Variants in TNFRSF8 observed in about 807,000 individuals in gnomAD.
TNFRSF8 encodes the protein TNF receptor superfamily member 8, also known as tumor necrosis factor receptor superfamily member 8.
TNFRSF8 carries 26 observed loss-of-function variants against 70.8 expected under a neutral mutation model. That is an observed-to-expected ratio of 0.37 (90% CI 0.27 to 0.51). The LOEUF (loss-of-function observed/expected upper bound fraction) is 0.51, where lower values mean the gene tolerates loss of function less well. Among genes scored for constraint, TNFRSF8 ranks in the 20% least tolerant of loss-of-function variants. The pLI, the probability that TNFRSF8 is intolerant of heterozygous loss-of-function variation, is 0.94. For synonymous variants in TNFRSF8, 356 were observed against 339.2 expected (o/e 1.05, Z -0.54); for missense variants, 720 against 807.9 (o/e 0.89, Z 1.32).
chr1:12,084,996 A>ACACAGTT (rs1452491066), intron 2 of TNFRSF8, among the ~76,000 whole-genome samples: 3 of 152,212 alleles, frequency 2.0e-5, no homozygotes, highest in Admixed American at 2.0e-4. Flanking sequence ...TGGAATGATC[A>ACACAGTT]GGGCTGGGGC....
At chr1:12,064,849 A>C (rs1021796754) in intron 1 of TNFRSF8, among the ~76,000 whole-genome samples, 1 of 152,044 alleles carries the variant, frequency 6.6e-6, no homozygotes, top group African/African-American at 2.4e-5. Flanking sequence ...CACCTGGGGG[A>C]AGGTAAGAGT....
At chr1:12,131,276 C>T (rs2101037555) in intron 12 of TNFRSF8, among the ~76,000 whole-genome samples, 1 of 152,156 alleles carries the variant, frequency 6.6e-6, no homozygotes, top group Admixed American at 6.5e-5. Flanking sequence ...AAGACAAAAC[C>T]CCATCTCTAC....
In TNFRSF8 at chr1:12,109,830, C is replaced by T. The variant is rs1641595706; in HGVS notation, c.512+174C>T. 6.6e-6 allele frequency among the ~76,000 whole-genome samples: 1 copy of T among 152,116 alleles called. No individual in the cohort carries two copies. Among genetic ancestry groups the T allele is most frequent in the African/African-American group, 2.4e-5 (1 of 41,420 alleles). On this transcript the variant is annotated intron_variant, in intron 5 of 14. Coordinates refer to ENST00000263932, the MANE Select transcript of TNFRSF8 (RefSeq NM_001243.5). This position sits in a 1 kb window ranked among gnomAD's most constrained non-coding sequence, Gnocchi z 4.4. The stretch of plus-strand genomic sequence containing the variant: ...CAAGCCCCTCAGATCATTTGAGGCC[C>T]TAGGGTGTGCCCAGCCCTGCCCTGA...
chr1:12,107,210 T>C (rs56027210), intron 4 of TNFRSF8, among the ~76,000 whole-genome samples: 12,028 of 152,126 alleles, frequency 0.079, 503 homozygotes, highest in African/African-American at 0.088. Context: ...GCCTGGCCAA[T>C]GTGGTGAAAC....
chr1:12,127,484 T>C (rs551062), intron 12 of TNFRSF8, among the ~76,000 whole-genome samples: 43,021 of 152,198 alleles, frequency 0.28, 7,381 homozygotes, highest in African/African-American at 0.48. Flanking sequence ...CTGTCCACCA[T>C]CGCAATGCCT....
Position 12,109,429 on chromosome 1 carries a change from C to T in TNFRSF8, c.422-137C>T, listed in dbSNP as rs184377527. 1.2e-4 allele frequency: 73 copies of T among 634,354 alleles called. No homozygotes were observed. Among genetic ancestry groups the T allele is most frequent in the African/African-American group, 1.6e-4 (9 of 54,812 alleles). 39.3% of individuals were successfully genotyped at this position (634,354 alleles called of 1,614,324 possible). On this transcript the variant is annotated intron_variant, in intron 4 of 14. Coordinates refer to ENST00000263932, the MANE Select transcript of TNFRSF8 (RefSeq NM_001243.5). This position sits in a 1 kb window ranked among gnomAD's most constrained non-coding sequence, Gnocchi z 4.4. ...ACTCTGAAGGGGAACGGGTGCCAGG[C>T]GGGTGCCACCTCCAGATGACTGCTG... is the stretch of plus-strand genomic sequence containing the variant.
At chr1:12,104,644 GACAGATC>G in intron 4 of TNFRSF8, 113 bp downstream of exon 4, 3 of 1,310,580 alleles carry the variant, frequency 2.3e-6, no homozygotes, top group Non-Finnish European at 3.2e-6. Flanking sequence ...GAGACTGTTG[GACAGATC>G]ATGTCTCCTT....
intron 4 of TNFRSF8, among the ~76,000 whole-genome samples, chr1:12,106,590 G>A (rs1057193362): frequency 1.3e-5 from 2 of 152,134 alleles, no homozygotes; most frequent in Non-Finnish European, 2.9e-5. Context: ...TCCCCATAGA[G>A]ATTCATTGAA....
At position 12,063,539 on chromosome 1, in the gene TNFRSF8, G is replaced by A. The variant is rs1640683818; in HGVS notation, c.-60G>A. 3.1e-6 allele frequency: 4 copies of A among 1,285,334 alleles called. No homozygotes were observed. Among genetic ancestry groups the A allele is most frequent in the Non-Finnish European group, 4.0e-6 (4 of 1,009,922 alleles). 79.6% of individuals were successfully genotyped at this position (1,285,334 alleles called of 1,614,324 possible). A position where few individuals can be genotyped will look rare whatever the true frequency, so the allele number is the denominator to read the frequency against. On this transcript the variant is annotated 5_prime_UTR_variant, in exon 1 of 15. Coordinates refer to ENST00000263932, the MANE Select transcript of TNFRSF8 (RefSeq NM_001243.5). This position sits in a 1 kb window ranked among gnomAD's most constrained non-coding sequence, Gnocchi z 7.2. ...CCGGGACCGCACGTGGGCGCCGCGC[G>A]CTTCCCCCGCTTCCCAGGTGGGCGC...
intron 1 of TNFRSF8, among the ~76,000 whole-genome samples, chr1:12,066,224 T>C (rs1640737021): frequency 6.6e-6 from 1 of 152,138 alleles, no homozygotes; most frequent in African/African-American, 2.4e-5. Context: ...AGGGACTACC[T>C]GCCCAACACA....
At chr1:12,073,264 A>AAAACAAAC (rs199884434) in intron 1 of TNFRSF8, among the ~76,000 whole-genome samples, 2 of 152,148 alleles carry the variant, frequency 1.3e-5, no homozygotes, top group African/African-American at 4.8e-5. Context: ...CCCTGTCTTA[A>AAAACAAAC]AAACAAACAA....
At chr1:12,106,615 C>T (rs1641528276) in intron 4 of TNFRSF8, among the ~76,000 whole-genome samples, 1 of 152,148 alleles carries the variant, frequency 6.6e-6, no homozygotes, top group South Asian at 2.1e-4. Flanking sequence ...GATATGGGGA[C>T]ACCTGACAGG....
chr1:12,111,904 C>G lies in TNFRSF8; in HGVS notation c.683C>G (p.Ser228Cys), dbSNP rs748023917. 6.2e-7 allele frequency: 1 copy of G among 1,614,096 alleles called. No individual in the cohort carries two copies. Among genetic ancestry groups the G allele is most frequent in the East Asian group, 2.2e-5 (1 of 44,876 alleles). The change falls in exon 7 of 15, where the codon TCC becomes TGC. Residue 228 changes from serine to cysteine, a missense_variant. By Grantham distance (112) the Ser-to-Cys change is moderately radical (BLOSUM62 -1). Coordinates refer to ENST00000263932, the MANE Select transcript of TNFRSF8 (RefSeq NM_001243.5). ...TCTCTGCTTCTTTCCCCAGGTCTGT[C>G]CCCAACACAGCCATGCCCAGAGGGG... is the stretch of plus-strand genomic sequence containing the variant. ...VGRPSSDPGL[S>C]PTQPCPEGSG...
rs1557608643 is a variant in TNFRSF8 at position 12,138,903 on chromosome 1, A to G, written c.1543+467A>G. 7.1e-6 allele frequency among the ~76,000 whole-genome samples: 1 copy of G among 140,800 alleles called. No individual in the cohort carries two copies. The highest frequency in any genetic ancestry group is 1.5e-5 in the Non-Finnish European group (1 of 67,650). 92.4% of individuals were successfully genotyped at this position (140,800 alleles called of 152,430 possible). ...AGGGTGAAGTGATTTTCCCCATTGC[A>G]TGGCTACTAAGTGGCACAGCTGGAA... is the stretch of plus-strand genomic sequence containing the variant. On this transcript the variant is annotated intron_variant, in intron 14 of 14. Coordinates refer to ENST00000263932, the MANE Select transcript of TNFRSF8 (RefSeq NM_001243.5). This position sits in a 1 kb window ranked among gnomAD's most constrained non-coding sequence, Gnocchi z 5.7.
rs1160930638 is a variant in TNFRSF8, at chr1:12,110,391, C to T, written c.676+187C>T. On this transcript the variant is annotated intron_variant, in intron 6 of 14. Transcript: ENST00000263932. This position sits in a 1 kb window ranked among gnomAD's most constrained non-coding sequence, Gnocchi z 4.0. ...GGGCAGAGGTAGACACCAGAGGGCT[C>T]ATTCATTTGCCAGCAGTGCAGAGGG... Among the ~76,000 whole-genome samples, 1 of 152,124 alleles carries T rather than the reference C, an allele frequency of 6.6e-6. No individual in the cohort carries two copies. The highest frequency in any genetic ancestry group is 1.5e-5 in the Non-Finnish European group (1 of 68,004).
In TNFRSF8 at chr1:12,123,281, C is replaced by T. The variant is rs762335155; in HGVS notation, c.947-3C>T. ...GTTCTCAGATGTTACGTCCCCTCTG[C>T]AGATATGGCTGAGAAGGACACCACC... is the stretch of plus-strand genomic sequence containing the variant. On this transcript the variant is annotated splice_region_variant and splice_polypyrimidine_tract_variant and intron_variant, in intron 8 of 14. Coordinates refer to ENST00000263932, the MANE Select transcript of TNFRSF8 (RefSeq NM_001243.5). The T allele has an allele frequency of 5.0e-6, 8 of 1,610,636 alleles. No homozygotes were observed. In the African/African-American group the frequency reaches 1.1e-4, roughly 22 times the overall value.
Position 12,142,876 on chromosome 1 carries a change from A to T in TNFRSF8, c.*345A>T, listed in dbSNP as rs1642282689. Reference sequence around the variant, plus strand: ...CCAGAGCCCTGGGCATCAGACCTTAACCACCAGGCCCACAGCCCAGCGAGG... The same window carrying T: ...CCAGAGCCCTGGGCATCAGACCTTATCCACCAGGCCCACAGCCCAGCGAGG... On this transcript the variant is annotated 3_prime_UTR_variant, in exon 15 of 15. Transcript: ENST00000263932. The surrounding 1 kb of genome is among the most constrained non-coding windows in gnomAD (Gnocchi z 5.0). 5 of 224,488 alleles carry T rather than the reference A, an allele frequency of 2.2e-5. No homozygotes were observed. In the East Asian group the frequency reaches 5.1e-4, roughly 23 times the overall value. 13.9% of individuals were successfully genotyped at this position (224,488 alleles called of 1,614,324 possible).
At position 12,097,126 on chromosome 1, in the gene TNFRSF8, A is replaced by C. The variant is rs1026848164; in HGVS notation, c.177A>C (p.Pro59=). 3.1e-6 allele frequency: 5 copies of C among 1,613,868 alleles called. No homozygotes were observed. In the African/African-American group the frequency reaches 6.7e-5, roughly 22 times the overall value. ...GGCTGTTCCCGACACAGCAGTGCCC[A>C]CAGAGGCCTACTGACTGCAGGAAGC... ...PMGLFPTQQC[P]QRPTDCRKQC... The change falls in exon 3 of 15, where the codon CCA becomes CCC. Residue 59 remains proline, a synonymous_variant. Transcript: ENST00000263932.
At chr1:12,097,652 A>G (rs894989942) in intron 3 of TNFRSF8, among the ~76,000 whole-genome samples, 1 of 152,022 alleles carries the variant, frequency 6.6e-6, no homozygotes, top group Non-Finnish European at 1.5e-5. Context: ...CTTCCAGGAA[A>G]ACTGTTTCAG....
Sources: allele counts gnomAD v4.1 joint callset (sites outside exome capture counted in the v4.1 genomes callset), GRCh38; gene constraint gnomAD v4.1.1; non-coding constraint Gnocchi (gnomAD v3.1); transcripts MANE v1.5; gene names NCBI Gene and HGNC (gene_info 2026-07-23, HGNC 2026-07-21).